The following KCNC2 variants were observed in gnomAD, a reference collection of about 807,000 sequenced individuals.
KCNC2 encodes voltage-gated potassium channel KCNC2.
KCNC2 carries 21 observed loss-of-function variants against 44.5 expected under a neutral mutation model. The ratio of observed to expected loss-of-function variants is 0.47; its 90% CI spans 0.33 to 0.68. The LOEUF is 0.68. Ranked by LOEUF, KCNC2 falls within the 30% of genes least tolerant of loss-of-function variation. The pLI, the probability that KCNC2 is intolerant of heterozygous loss-of-function variation, is 0.01. For synonymous variants in KCNC2, 391 were observed against 339.1 expected (o/e 1.15, Z -1.68); for missense variants, 589 against 826.2 (o/e 0.71, Z 3.52).
intron 2 of KCNC2, among the ~76,000 whole-genome samples, chr12:75,155,064 G>A (rs1431499878): frequency 6.6e-6 from 1 of 150,730 alleles, no homozygotes; most frequent in Non-Finnish European, 1.5e-5. Context: ...GGTGCTCACA[G>A]AAATACAGGG....
intron 2 of KCNC2, among the ~76,000 whole-genome samples, chr12:75,090,403 C>G (rs1269406664): frequency 6.6e-6 from 1 of 151,570 alleles, no homozygotes; most frequent in East Asian, 1.9e-4. Context: ...CTCACTGCCA[C>G]TATCTTATTG....
At chr12:75,045,500 A>G (rs138373075) in intron 4 of KCNC2, among the ~76,000 whole-genome samples, 4 of 152,004 alleles carry the variant, frequency 2.6e-5, no homozygotes, top group African/African-American at 9.6e-5. Flanking sequence ...TCTTTATTCT[A>G]CATGTTCATT....
chr12:75,147,627 A>G (rs1890115720), intron 2 of KCNC2, among the ~76,000 whole-genome samples: 1 of 152,212 alleles, frequency 6.6e-6, no homozygotes, highest in Admixed American at 6.5e-5. Context: ...TAAATAGGAT[A>G]GGGAAAAAGT....
intron 2 of KCNC2, among the ~76,000 whole-genome samples, chr12:75,115,434 ACT>A (rs2137259634): frequency 6.6e-6 from 1 of 152,196 alleles, no homozygotes; most frequent in Non-Finnish European, 1.5e-5. Context: ...CAAAATCTGT[ACT>A]CTGTTTTGAA....
At chr12:75,090,243 G>A (rs537556452) in intron 2 of KCNC2, among the ~76,000 whole-genome samples, 4 of 151,426 alleles carry the variant, frequency 2.6e-5, no homozygotes, top group African/African-American at 9.7e-5. Context: ...TTCCCTTATC[G>A]ATGTTTACAG....
chr12:75,068,941 T>C (rs1883106801), intron 2 of KCNC2, among the ~76,000 whole-genome samples: 1 of 152,116 alleles, frequency 6.6e-6, no homozygotes, highest in African/African-American at 2.4e-5. Flanking sequence ...AGGTCTGTTG[T>C]CATTGCTTGG....
intron 2 of KCNC2, among the ~76,000 whole-genome samples, chr12:75,080,622 C>A (rs907989554): frequency 1.3e-5 from 2 of 152,064 alleles, no homozygotes; most frequent in East Asian, 3.9e-4. Flanking sequence ...AGTAGCAGAC[C>A]TATTTTCAAG....
intron 2 of KCNC2, among the ~76,000 whole-genome samples, chr12:75,181,463 A>G (rs1460326228): frequency 6.6e-6 from 1 of 152,090 alleles, no homozygotes; most frequent in Admixed American, 6.6e-5. Flanking sequence ...TTTGCCTTTG[A>G]TTTCTTCCTC....
intron 4 of KCNC2, among the ~76,000 whole-genome samples, chr12:75,045,001 G>T (rs540186411): frequency 6.6e-6 from 1 of 151,978 alleles, no homozygotes; most frequent in South Asian, 2.1e-4. Flanking sequence ...TGCACAGAGG[G>T]TTAGTTATTA....
intron 2 of KCNC2, among the ~76,000 whole-genome samples, chr12:75,074,466 T>C (rs1423119258): frequency 6.6e-6 from 1 of 152,078 alleles, no homozygotes; most frequent in Non-Finnish European, 1.5e-5. Context: ...TCAATTCTAC[T>C]TTCCTTGCCC....
intron 2 of KCNC2, among the ~76,000 whole-genome samples, chr12:75,081,331 C>T (rs1257825605): frequency 2.7e-5 from 4 of 150,300 alleles, no homozygotes; most frequent in East Asian, 3.9e-4. Flanking sequence ...TCAATATGTT[C>T]GTAGTAGTAT....
intron 2 of KCNC2, among the ~76,000 whole-genome samples, chr12:75,094,131 G>T (rs1344256660): frequency 6.6e-6 from 1 of 151,590 alleles, no homozygotes. Context: ...ATTTTGGCAC[G>T]TACAACTTTC....
intron 2 of KCNC2, among the ~76,000 whole-genome samples, chr12:75,179,923 G>T (rs1892465192): frequency 6.6e-6 from 1 of 151,600 alleles, no homozygotes; most frequent in African/African-American, 2.4e-5. Context: ...AAATTGCACT[G>T]TATCTTAATC....
At chr12:75,179,619 G>GATATAAAACTAC (rs1892421679) in intron 2 of KCNC2, among the ~76,000 whole-genome samples, 2 of 132,834 alleles carry the variant, frequency 1.5e-5, no homozygotes, top group African/African-American at 5.8e-5. Context: ...ATAAAAGATA[G>GATATAAAACTAC]TTTTATATCT....
At chr12:75,052,738 T>A (rs1881315245) in intron 2 of KCNC2, among the ~76,000 whole-genome samples, 1 of 152,156 alleles carries the variant, frequency 6.6e-6, no homozygotes, top group Non-Finnish European at 1.5e-5. Flanking sequence ...TTTTACCTGG[T>A]TGAGTTTTAA....
intron 2 of KCNC2, among the ~76,000 whole-genome samples, chr12:75,076,910 T>A (rs1884038340): frequency 6.6e-6 from 1 of 152,186 alleles, no homozygotes; most frequent in Non-Finnish European, 1.5e-5. Context: ...TGTAATCTAG[T>A]CAATGGAGAA....
At chr12:75,146,605 A>T (rs1246402967) in intron 2 of KCNC2, among the ~76,000 whole-genome samples, 1 of 152,238 alleles carries the variant, frequency 6.6e-6, no homozygotes, top group African/African-American at 2.4e-5. Flanking sequence ...AACCATTACC[A>T]TGCTTGTGCA....
intron 2 of KCNC2, among the ~76,000 whole-genome samples, chr12:75,088,146 A>C (rs183816526): frequency 3.6e-4 from 55 of 152,186 alleles, no homozygotes; most frequent in African/African-American, 1.3e-3. Context: ...TATCTATTTT[A>C]GGGTAATTAG....
At chr12:75,205,240 A>G (rs2031591242) in intron 2 of KCNC2, among the ~76,000 whole-genome samples, 1 of 152,186 alleles carries the variant, frequency 6.6e-6, no homozygotes, top group South Asian at 2.1e-4. Context: ...AACCTTGGCC[A>G]TCACTTAGCA....
Sources: allele counts gnomAD v4.1 joint callset (sites outside exome capture counted in the v4.1 genomes callset), GRCh38; gene constraint gnomAD v4.1.1; transcripts MANE v1.5; gene names NCBI Gene and HGNC (gene_info 2026-07-23, HGNC 2026-07-21).